Variants in HECW1 observed in about 807,000 individuals in gnomAD.
HECW1 encodes E3 ubiquitin-protein ligase HECW1.
In HECW1, 61 loss-of-function variants were observed where a neutral mutation model predicts 182.3. The observed-to-expected ratio is 0.33, with a 90% CI of 0.27 to 0.41. The LOEUF (loss-of-function observed/expected upper bound fraction) is 0.41. HECW1 is among the 10% of genes least tolerant of loss of function. HECW1 has a pLI of 1.00. For synonymous variants in HECW1, 859 were observed against 832.6 expected (o/e 1.03, Z -0.55); for missense variants, 1,739 against 2,108.9 (o/e 0.82, Z 3.44).
intron 3 of HECW1, among the ~76,000 whole-genome samples, chr7:43,260,426 A>G (rs1431548095): frequency 6.6e-6 from 1 of 152,234 alleles, no homozygotes; most frequent in African/African-American, 2.4e-5. Context: ...AGCAAGGAAA[A>G]GAGATGAGCC....
chr7:43,222,410 G>A (rs1192978097), intron 2 of HECW1, among the ~76,000 whole-genome samples: 1 of 152,114 alleles, frequency 6.6e-6, no homozygotes, highest in African/African-American at 2.4e-5. Flanking sequence ...ATGTCCAGAA[G>A]GTACTTTGTA....
At chr7:43,554,991 G>C (rs1317103171) in intron 29 of HECW1, among the ~76,000 whole-genome samples, 3 of 152,196 alleles carry the variant, frequency 2.0e-5, no homozygotes, top group Admixed American at 2.0e-4. Context: ...GGGAGGTTTT[G>C]ATGACTGATG....
chr7:43,217,229 A>G (rs1796526595), intron 2 of HECW1, among the ~76,000 whole-genome samples: 1 of 152,194 alleles, frequency 6.6e-6, no homozygotes, highest in African/African-American at 2.4e-5. Flanking sequence ...TACCTTTCTC[A>G]TCTCTTCATA....
rs7802134 is a variant in HECW1, at chr7:43,375,254, C to T, written c.555+14274C>T. Among the ~76,000 whole-genome samples, 488 of 152,086 alleles carry T rather than the reference C, an allele frequency of 3.2e-3. 3 individuals are homozygous for T. The highest frequency in any genetic ancestry group is 0.02 in the East Asian group (103 of 5,180). On this transcript the variant is annotated intron_variant, in intron 6 of 29. Coordinates refer to ENST00000395891, the MANE Select transcript of HECW1 (RefSeq NM_015052.5). Reference sequence around the variant, plus strand: ...GCCAAGAAAATTTGAATGTTCTCTTCACAGCACAAAGATGTGCTTGGTAAG... The same window carrying T: ...GCCAAGAAAATTTGAATGTTCTCTTTACAGCACAAAGATGTGCTTGGTAAG...
chr7:43,221,765 G>A (rs772063440), intron 2 of HECW1, among the ~76,000 whole-genome samples: 1 of 151,890 alleles, frequency 6.6e-6, no homozygotes, highest in Non-Finnish European at 1.5e-5. Flanking sequence ...GTATTAGCCA[G>A]GATGGTGTCG....
intron 2 of HECW1, among the ~76,000 whole-genome samples, chr7:43,144,925 C>T (rs1249701697): frequency 6.6e-6 from 1 of 152,146 alleles, no homozygotes; most frequent in Non-Finnish European, 1.5e-5. Flanking sequence ...TCTATTTTCT[C>T]ACTTGCTTTT....
intron 3 of HECW1, among the ~76,000 whole-genome samples, chr7:43,255,866 A>G (rs945533587): frequency 2.6e-5 from 4 of 152,170 alleles, no homozygotes; most frequent in African/African-American, 9.7e-5. Flanking sequence ...CTTTATTTGG[A>G]CTGAAGTTAA....
intron 5 of HECW1, among the ~76,000 whole-genome samples, chr7:43,341,307 T>TATAAATAAATAA (rs61727601): frequency 1.0e-4 from 15 of 148,678 alleles, no homozygotes; most frequent in Non-Finnish European, 2.1e-4. Context: ...CTTACAGTAT[T>TATAAATAAATAA]ATAAATAAAT....
At chr7:43,215,432 AT>A (rs1796359788) in intron 2 of HECW1, among the ~76,000 whole-genome samples, 2 of 152,326 alleles carry the variant, frequency 1.3e-5, no homozygotes, top group Non-Finnish European at 2.9e-5. Context: ...GTTGCACATA[AT>A]TTTATTTGTA....
chr7:43,372,097 C>T (rs1336405729), intron 6 of HECW1, among the ~76,000 whole-genome samples: 1 of 152,174 alleles, frequency 6.6e-6, no homozygotes, highest in Non-Finnish European at 1.5e-5. Flanking sequence ...GCTGGGATTA[C>T]AGGTGTGAGC....
chr7:43,227,051 T>C (rs1797494855), intron 2 of HECW1, among the ~76,000 whole-genome samples: 1 of 152,214 alleles, frequency 6.6e-6, no homozygotes, highest in Non-Finnish European at 1.5e-5. Flanking sequence ...CTAGACAATA[T>C]AATCTGGAAG....
At chr7:43,417,553 C>A (rs1337632842) in intron 8 of HECW1, among the ~76,000 whole-genome samples, 3 of 152,020 alleles carry the variant, frequency 2.0e-5, no homozygotes, top group African/African-American at 7.3e-5. Flanking sequence ...TGGTATGTTT[C>A]CCCTCAGCAC....
At chr7:43,476,613 G>C (rs914585618) in intron 16 of HECW1, among the ~76,000 whole-genome samples, 3 of 152,118 alleles carry the variant, frequency 2.0e-5, no homozygotes, top group African/African-American at 7.2e-5. Flanking sequence ...GAATAGTGCG[G>C]TACCAGTGAA....
At chr7:43,302,957 A>ACACACACGCGCGCG (rs1807044658) in intron 3 of HECW1, among the ~76,000 whole-genome samples, 2 of 106,078 alleles carry the variant, frequency 1.9e-5, no homozygotes, top group South Asian at 6.8e-4. Context: ...ACATGCGCGC[A>ACACACACGCGCGCG]CACACACACA....
chr7:43,247,988 AGAAG>A (rs1325046786), intron 3 of HECW1, among the ~76,000 whole-genome samples: 4 of 139,298 alleles, frequency 2.9e-5, no homozygotes, highest in Non-Finnish European at 4.7e-5. Flanking sequence ...GAAGGAAGGA[AGAAG>A]GAAGGAAGGA....
intron 2 of HECW1, among the ~76,000 whole-genome samples, chr7:43,132,980 A>C (rs1054074799): frequency 3.3e-5 from 5 of 152,184 alleles, no homozygotes; most frequent in African/African-American, 1.2e-4. Context: ...TTTTTTAATA[A>C]GAAAGAAGGA....
chr7:43,125,138 C>G (rs758262172), intron 2 of HECW1, among the ~76,000 whole-genome samples: 3 of 152,126 alleles, frequency 2.0e-5, no homozygotes, highest in Non-Finnish European at 4.4e-5. Context: ...CATTCTGGGG[C>G]CTCTTTTATA....
At chr7:43,418,798 G>A (rs1441640186) in intron 8 of HECW1, among the ~76,000 whole-genome samples, 1 of 152,082 alleles carries the variant, frequency 6.6e-6, no homozygotes, top group Non-Finnish European at 1.5e-5. Context: ...TTCAACATCT[G>A]GAGAATATTG....
At chr7:43,158,127 A>T (rs1790095301) in intron 2 of HECW1, among the ~76,000 whole-genome samples, 1 of 152,252 alleles carries the variant, frequency 6.6e-6, no homozygotes, top group African/African-American at 2.4e-5. Flanking sequence ...TAGTCACTGA[A>T]GAAATGTTTA....
Sources: allele counts gnomAD v4.1 joint callset (sites outside exome capture counted in the v4.1 genomes callset), GRCh38; gene constraint gnomAD v4.1.1; transcripts MANE v1.5; gene names NCBI Gene and HGNC (gene_info 2026-07-23, HGNC 2026-07-21).